Variants in DDX19B observed in about 807,000 individuals in gnomAD.
DDX19B encodes the protein ATP-dependent RNA helicase DDX19B.
DDX19B carries 27 observed loss-of-function variants against 58.1 expected under a neutral mutation model. That is an observed-to-expected ratio of 0.46 (90% CI 0.34 to 0.64). DDX19B has a LOEUF of 0.64. Among genes scored for constraint, DDX19B ranks in the 30% least tolerant of loss-of-function variants. The pLI is 0.01. For synonymous variants in DDX19B, 187 were observed against 214.4 expected (o/e 0.87, Z 1.12); for missense variants, 399 against 596.5 (o/e 0.67, Z 3.45).
intron 1 of DDX19B, among the ~76,000 whole-genome samples, chr16:70,304,249 C>G (rs1001910313): frequency 2.0e-5 from 3 of 151,860 alleles, no homozygotes; most frequent in Admixed American, 6.6e-5. Flanking sequence ...CCATATTGGC[C>G]AGGCTGGTCT....
At chr16:70,313,875 A>AAGG in intron 2 of DDX19B, among the ~76,000 whole-genome samples, 1 of 152,200 alleles carries the variant, frequency 6.6e-6, no homozygotes, top group South Asian at 2.1e-4. Context: ...TTGGGAAGCC[A>AAGG]AGGCTGGCGG....
rs556220428 is a variant in DDX19B, at chr16:70,330,168, C to T, written c.1023+100C>T. 38 of 1,400,978 alleles carry T rather than the reference C, an allele frequency of 2.7e-5. No homozygotes were observed. The Admixed American group carries it at 3.1e-4, about 11-fold the overall frequency. 86.8% of individuals were successfully genotyped at this position (1,400,978 alleles called of 1,614,324 possible). ...TGCCCCTGGGTGCCATGGGAAGAAA[C>T]GAAGTGGTTTGTTCTCCTAAGGTTT... On this transcript the variant is annotated intron_variant, in intron 9 of 11. Coordinates refer to ENST00000288071, the MANE Select transcript of DDX19B (RefSeq NM_007242.7).
At chr16:70,298,842 TA>T (rs1309247263), upstream of DDX19B, among the ~76,000 whole-genome samples, 1 of 152,210 alleles carries the variant, frequency 6.6e-6, no homozygotes, top group Non-Finnish European at 1.5e-5. Flanking sequence ...CTGGACATTT[TA>T]AATTACCAAT....
chr16:70,325,623 T>G lies in DDX19B; in HGVS notation c.542T>G (p.Val181Gly). The change falls in exon 7 of 12, where the codon GTG (valine) becomes GGG (glycine). Residue 181 changes from valine to glycine, a missense_variant. Val to Gly is a moderately radical substitution (Grantham distance 109, BLOSUM62 -3). Coordinates refer to ENST00000288071, the MANE Select transcript of DDX19B (RefSeq NM_007242.7). ...GAGCTCGCCCTCCAAACAGGAAAAGTGATTGAACAAATGGGCAAATTTTAC... is the reference window on the plus strand; with the variant it reads ...GAGCTCGCCCTCCAAACAGGAAAAGGGATTGAACAAATGGGCAAATTTTAC... The part of the protein sequence containing the change: ...TYELALQTGK[V>G]IEQMGKFYPE... The G allele has an allele frequency of 6.2e-7, 1 of 1,614,066 alleles. No homozygotes were observed. The highest frequency in any genetic ancestry group is 8.5e-7 in the Non-Finnish European group (1 of 1,180,010).
chr16:70,323,655 C>T (rs1962975451), intron 5 of DDX19B, among the ~76,000 whole-genome samples: 1 of 151,358 alleles, frequency 6.6e-6, no homozygotes, highest in African/African-American at 2.4e-5. Flanking sequence ...AATTCCTGAC[C>T]TCGAATGATC....
chr16:70,298,719 C>T (rs1961324801), upstream of DDX19B, among the ~76,000 whole-genome samples: 1 of 152,082 alleles, frequency 6.6e-6, no homozygotes, highest in Non-Finnish European at 1.5e-5. Context: ...AATTCCTCCT[C>T]TTGGGGTACA....
In DDX19B at chr16:70,334,589, A is replaced by G. The variant is rs1046529483; in HGVS notation, c.*1007A>G. The G allele has an allele frequency of 1.3e-5, 2 of 152,110 alleles. No individual in the cohort carries two copies. The highest frequency in any genetic ancestry group is 2.9e-5 in the Non-Finnish European group (2 of 68,026). The allele number at this position is 152,110 out of a possible 1,614,324, so 9.4% of individuals were successfully genotyped here. The stretch of plus-strand genomic sequence containing the variant: ...GCAAGTTTTGTCAGAGCTGGGGAAT[A>G]ATTTCAGATATTTGACATCTTGATT... On this transcript the variant is annotated 3_prime_UTR_variant, in exon 12 of 12. Transcript: ENST00000288071.
chr16:70,290,335 A>C (rs181378527), upstream of DDX19B, among the ~76,000 whole-genome samples: 142 of 152,158 alleles, frequency 9.3e-4, 1 homozygote, highest in Admixed American at 7.1e-3. Context: ...CAGGAGACCG[A>C]GAGCATCCTG....
intron 5 of DDX19B, among the ~76,000 whole-genome samples, chr16:70,322,835 T>A (rs1002692750): frequency 7.1e-6 from 1 of 140,854 alleles, no homozygotes; most frequent in African/African-American, 2.7e-5. Flanking sequence ...GAGGCTGCAG[T>A]GAGCTCAGAT....
At chr16:70,323,849 CTT>C (rs1962988665) in intron 5 of DDX19B, among the ~76,000 whole-genome samples, 1 of 152,056 alleles carries the variant, frequency 6.6e-6, no homozygotes, top group Non-Finnish European at 1.5e-5. Context: ...GTAGATTACA[CTT>C]TTAAATCAAG....
chr16:70,295,442 T>C (rs1160385730), upstream of DDX19B, among the ~76,000 whole-genome samples: 1 of 151,442 alleles, frequency 6.6e-6, no homozygotes, highest in African/African-American at 2.4e-5. Flanking sequence ...CCCAGCTACT[T>C]AAAAAAAATT....
At chr16:70,308,491 C>G (rs1278299314) in intron 1 of DDX19B, among the ~76,000 whole-genome samples, 2 of 152,108 alleles carry the variant, frequency 1.3e-5, no homozygotes, top group African/African-American at 4.8e-5. Context: ...CCTGCCTCAG[C>G]CTCCCAAAGC....
chr16:70,299,863 C>T (rs1346860042), intron 1 of DDX19B, among the ~76,000 whole-genome samples: 1 of 152,098 alleles, frequency 6.6e-6, no homozygotes, highest in Non-Finnish European at 1.5e-5. Flanking sequence ...TATTTGTGTG[C>T]TTCCTCAGTG....
chr16:70,295,520 G>GA (rs900495820), upstream of DDX19B, among the ~76,000 whole-genome samples: 3 of 151,580 alleles, frequency 2.0e-5, no homozygotes, highest in African/African-American at 7.3e-5. Flanking sequence ...TTTAGTAGAA[G>GA]AAAAAACACA....
upstream of DDX19B, among the ~76,000 whole-genome samples, chr16:70,297,222 TA>T (rs1259512552): frequency 2.0e-5 from 3 of 151,576 alleles, no homozygotes; most frequent in Admixed American, 6.6e-5. Context: ...TCTATTTATT[TA>T]TTTTTTTTGA....
chr16:70,304,313 C>G (rs1318121226), intron 1 of DDX19B, among the ~76,000 whole-genome samples: 1 of 150,588 alleles, frequency 6.6e-6, no homozygotes, highest in Non-Finnish European at 1.5e-5. Flanking sequence ...TGCTTGATTA[C>G]AGGCGTGAGC....
At chr16:70,308,496 C>G (rs898809622) in intron 1 of DDX19B, among the ~76,000 whole-genome samples, 2 of 151,920 alleles carry the variant, frequency 1.3e-5, no homozygotes, top group Non-Finnish European at 2.9e-5. Flanking sequence ...CTCAGCCTCC[C>G]AAAGCTCTGG....
rs1962102472 is a variant in DDX19B, at chr16:70,311,693, A to G, written c.58-916A>G. ...TATTTTAATTACACAGTGTGCCACA[A>G]TGCTTCAGGCTGTTCCCAACTACAG... On this transcript the variant is annotated intron_variant, in intron 1 of 11. Coordinates refer to ENST00000288071, the MANE Select transcript of DDX19B (RefSeq NM_007242.7). Among the ~76,000 whole-genome samples the G allele has an allele frequency of 2.0e-5, 3 of 152,226 alleles. No homozygotes were observed. The South Asian group carries it at 6.2e-4, about 32-fold the overall frequency.
upstream of DDX19B, among the ~76,000 whole-genome samples, chr16:70,292,731 T>C (rs1391880837): frequency 1.3e-5 from 2 of 152,202 alleles, no homozygotes; most frequent in East Asian, 1.9e-4. Context: ...AACTCCATCT[T>C]GGGGCATGAG....
Sources: allele counts gnomAD v4.1 joint callset (sites outside exome capture counted in the v4.1 genomes callset), GRCh38; gene constraint gnomAD v4.1.1; transcripts MANE v1.5; gene names NCBI Gene and HGNC (gene_info 2026-07-23, HGNC 2026-07-21).